Variants in TBC1D19 observed in about 807,000 individuals in gnomAD.
TBC1D19 encodes TBC1 domain family member 19, also known as TBC1 domain family, member 19.
A neutral mutation model predicts 89.0 loss-of-function variants in TBC1D19; 60 were observed. The ratio of observed to expected loss-of-function variants is 0.67; its 90% CI spans 0.55 to 0.84. The LOEUF is 0.84. Among genes scored for constraint, TBC1D19 ranks in the 40% least tolerant of loss-of-function variants. The probability of loss-of-function intolerance (pLI) is 0.00; values close to 1 mark genes in which losing one functional copy is unlikely to be tolerated. For synonymous variants in TBC1D19, 189 were observed against 199.7 expected (o/e 0.95, Z 0.45); for missense variants, 500 against 610.8 (o/e 0.82, Z 1.91).
chr4:26,838,622 A>G, the TBC1D19 span, among the ~76,000 whole-genome samples: 4 of 152,210 alleles, frequency 2.6e-5, no homozygotes, highest in African/African-American at 7.2e-5. Context: ...ACACATTCAA[A>G]ACAGTTGGTG....
intron 15 of TBC1D19, among the ~76,000 whole-genome samples, chr4:26,726,255 C>T (rs1717317119): frequency 6.6e-6 from 1 of 151,866 alleles, no homozygotes; most frequent in Non-Finnish European, 1.5e-5. Context: ...AAACGTCCTA[C>T]AGTACACTGG....
the TBC1D19 span, among the ~76,000 whole-genome samples, chr4:26,813,919 TG>T: frequency 2.6e-5 from 4 of 152,160 alleles, no homozygotes; most frequent in African/African-American, 9.7e-5. Flanking sequence ...TGCCTGTCAC[TG>T]GCACCGCCTG....
At chr4:26,648,487 C>T (rs1744112601) in intron 7 of TBC1D19, among the ~76,000 whole-genome samples, 1 of 152,176 alleles carries the variant, frequency 6.6e-6, no homozygotes, top group African/African-American at 2.4e-5. Flanking sequence ...ATAACACTAC[C>T]ACAGGTCAGC....
chr4:26,598,883 G>C (rs990748205), intron 1 of TBC1D19, among the ~76,000 whole-genome samples: 4 of 151,846 alleles, frequency 2.6e-5, no homozygotes, highest in African/African-American at 9.7e-5. Flanking sequence ...GGCAAGGATA[G>C]AAAGAAATAG....
At chr4:26,662,173 C>T (rs1053343962) in intron 8 of TBC1D19, among the ~76,000 whole-genome samples, 1 of 152,150 alleles carries the variant, frequency 6.6e-6, no homozygotes, top group Non-Finnish European at 1.5e-5. Context: ...AACCCAATGT[C>T]ATCTTCAAAT....
At chr4:26,665,633 T>C (rs1711738032) in intron 8 of TBC1D19, among the ~76,000 whole-genome samples, 1 of 152,090 alleles carries the variant, frequency 6.6e-6, no homozygotes, top group African/African-American at 2.4e-5. Context: ...TAAGTTGTTT[T>C]GGATATTTGC....
At chr4:26,796,363 T>A in the TBC1D19 span, among the ~76,000 whole-genome samples, 2 of 152,200 alleles carry the variant, frequency 1.3e-5, no homozygotes, top group Non-Finnish European at 2.9e-5. Flanking sequence ...ACTTTTGGAT[T>A]GCTGCTGATA....
At chr4:26,823,134 A>C in the TBC1D19 span, among the ~76,000 whole-genome samples, 2 of 152,238 alleles carry the variant, frequency 1.3e-5, no homozygotes. Flanking sequence ...GGCAAGGAGG[A>C]GCAAGTCACA....
chr4:26,698,291 A>T (rs1714993021), intron 13 of TBC1D19, among the ~76,000 whole-genome samples: 1 of 152,220 alleles, frequency 6.6e-6, no homozygotes, highest in Non-Finnish European at 1.5e-5. Flanking sequence ...AATACCTAGG[A>T]ATCCAACTTA....
At chr4:26,599,066 A>T (rs1036398837) in intron 1 of TBC1D19, among the ~76,000 whole-genome samples, 1 of 152,062 alleles carries the variant, frequency 6.6e-6, no homozygotes, top group Non-Finnish European at 1.5e-5. Flanking sequence ...TATATTATAT[A>T]TATGTATATT....
chr4:26,819,521 G>T, the TBC1D19 span, among the ~76,000 whole-genome samples: 7 of 152,302 alleles, frequency 4.6e-5, no homozygotes, highest in African/African-American at 1.7e-4. Context: ...CCTGGTCCAA[G>T]CTGCCACTGA....
At chr4:26,793,031 TC>T in the TBC1D19 span, among the ~76,000 whole-genome samples, 8 of 152,144 alleles carry the variant, frequency 5.3e-5, no homozygotes, top group East Asian at 1.3e-3. Context: ...AGTTACTTTT[TC>T]CCCCCTGATA....
At chr4:26,833,888 A>C in the TBC1D19 span, among the ~76,000 whole-genome samples, 16 of 152,212 alleles carry the variant, frequency 1.1e-4, no homozygotes, top group Admixed American at 2.0e-4. Context: ...TTTATGTAGA[A>C]ATCTTCCCCA....
At chr4:26,811,454 A>G in the TBC1D19 span, among the ~76,000 whole-genome samples, 2 of 151,234 alleles carry the variant, frequency 1.3e-5, no homozygotes, top group African/African-American at 2.4e-5. Flanking sequence ...GAAGGACGAT[A>G]TAAGTGAGCA....
At position 26,755,767 on chromosome 4, in the gene TBC1D19, T is replaced by C. The variant is rs1719233727; in HGVS notation, c.*820T>C. On this transcript the variant is annotated 3_prime_UTR_variant, in exon 21 of 21. Transcript: ENST00000264866. ...AAACCCCATTCACTTTTGCTGAAGC[T>C]TGGTTTAACAAGATTTACTTCTAGG... Among the ~76,000 whole-genome samples, 1 of 152,172 alleles carries C rather than the reference T, an allele frequency of 6.6e-6. No individual in the cohort carries two copies. The highest frequency in any genetic ancestry group is 2.1e-4 in the South Asian group (1 of 4,836).
At chr4:26,716,935 C>T (rs1303006384) in intron 13 of TBC1D19, among the ~76,000 whole-genome samples, 2 of 151,988 alleles carry the variant, frequency 1.3e-5, no homozygotes, top group South Asian at 2.1e-4. Context: ...CATGAGCTAC[C>T]ATGCCCAGCC....
chr4:26,858,440 A>T, the TBC1D19 span: 1 of 152,318 alleles, frequency 6.6e-6, no homozygotes, highest in Non-Finnish European at 1.5e-5. Flanking sequence ...AGAACAAGGG[A>T]AGGGAAAGGG....
intron 18 of TBC1D19, among the ~76,000 whole-genome samples, chr4:26,746,079 A>G (rs1718629581): frequency 6.6e-6 from 1 of 152,062 alleles, no homozygotes; most frequent in African/African-American, 2.4e-5. Context: ...GTTTTGACCC[A>G]TTATTACTTT....
chr4:26,635,285 A>C (rs1340072181), intron 4 of TBC1D19, among the ~76,000 whole-genome samples: 1 of 152,156 alleles, frequency 6.6e-6, no homozygotes. Flanking sequence ...TGACATCAGA[A>C]AGGTGAATGA....
Sources: gnomAD v4.1 joint callset for allele counts (sites outside exome capture counted in the v4.1 genomes callset) on GRCh38, gnomAD v4.1.1 for gene constraint, MANE v1.5 for transcripts, NCBI Gene and HGNC (gene_info 2026-07-23, HGNC 2026-07-21) for gene names.